Variants in NOC3L observed in about 807,000 individuals in gnomAD.
The protein encoded by NOC3L is NOC3 like DNA replication regulator.
Under a neutral mutation model 102.5 loss-of-function variants are expected in NOC3L, and 85 were observed. That is an observed-to-expected ratio of 0.83 (90% CI 0.70 to 0.99). NOC3L has a LOEUF of 0.99. Ranked by LOEUF, NOC3L falls within the 50% of genes least tolerant of loss-of-function variation. NOC3L has a pLI of 0.00. For missense variants in NOC3L, 878 were observed against 914.9 expected, an observed-to-expected ratio of 0.96 and a Z score of 0.52; for synonymous variants, 303 against 309.4, an observed-to-expected ratio of 0.98 and a Z score of 0.22.
chr10:94,317,860 C>A, the NOC3L span, among the ~76,000 whole-genome samples: 1 of 152,160 alleles, frequency 6.6e-6, no homozygotes, highest in Non-Finnish European at 1.5e-5. Flanking sequence ...GTCTATTCAA[C>A]AATTTGATTA....
intron 6 of NOC3L, 127 bp downstream of exon 6, chr10:94,354,836 C>G: frequency 3.4e-6 from 3 of 881,824 alleles, no homozygotes; most frequent in Non-Finnish European, 5.2e-6. Flanking sequence ...CTTACTCTAA[C>G]CCAGCTACTA....
intron 17 of NOC3L, among the ~76,000 whole-genome samples, chr10:94,339,137 A>C (rs1010750958): frequency 2.6e-5 from 4 of 152,240 alleles, no homozygotes; most frequent in Non-Finnish European, 5.9e-5. Flanking sequence ...GACTGCCTAC[A>C]TTTGAATATC....
At chr10:94,346,171 A>T (rs974912952) in intron 11 of NOC3L, among the ~76,000 whole-genome samples, 1 of 152,208 alleles carries the variant, frequency 6.6e-6, no homozygotes, top group Non-Finnish European at 1.5e-5. Flanking sequence ...TTGATCTAAA[A>T]AGCCAAAGGA....
chr10:94,327,957 C>G, the NOC3L span: 1 of 532,198 alleles, frequency 1.9e-6, no homozygotes, highest in Middle Eastern at 3.2e-4. Flanking sequence ...CCTCTGTATA[C>G]AACATTACAG....
chr10:94,317,696 A>G, the NOC3L span, among the ~76,000 whole-genome samples: 12 of 152,212 alleles, frequency 7.9e-5, no homozygotes, highest in Admixed American at 2.6e-4. Flanking sequence ...GTTGACTCCA[A>G]ACTGATTGGC....
chr10:94,361,173 A>G (rs2134016315), intron 2 of NOC3L, among the ~76,000 whole-genome samples: 1 of 152,372 alleles, frequency 6.6e-6, no homozygotes, highest in East Asian at 1.9e-4. Context: ...TGAGTACTTA[A>G]TAATTTTTAG....
chr10:94,335,258 C>T (rs12243492), intron 19 of NOC3L, among the ~76,000 whole-genome samples: 5,126 of 152,234 alleles, frequency 0.034, 293 homozygotes, highest in African/African-American at 0.11. Context: ...CAATTAGGCT[C>T]ACATCCCAAT....
chr10:94,362,089 G>T, intron 1 of NOC3L: 2 of 599,026 alleles, frequency 3.3e-6, no homozygotes, highest in Non-Finnish European at 6.0e-6. Context: ...CAATTCAAAG[G>T]GTTCTACGAT....
At chr10:94,343,840 G>T (rs2054313438) in intron 13 of NOC3L, among the ~76,000 whole-genome samples, 1 of 151,894 alleles carries the variant, frequency 6.6e-6, no homozygotes, top group African/African-American at 2.4e-5. Flanking sequence ...TTTTAATGTG[G>T]CTAATAGAAA....
In NOC3L at chr10:94,334,616, A is replaced by G; in HGVS notation, c.2274+18T>C. The G allele has an allele frequency of 6.3e-7, 1 of 1,583,402 alleles. No homozygotes were observed. ...GGTTTCTATTTCTTCCTTTAAAAAAATGAAAAATATCCCATACCTTTATTT... is the reference window on the plus strand; with the variant it reads ...GGTTTCTATTTCTTCCTTTAAAAAAGTGAAAAATATCCCATACCTTTATTT... On this transcript the variant is annotated intron_variant, in intron 20 of 20. Coordinates refer to ENST00000371361, the MANE Select transcript of NOC3L (RefSeq NM_022451.11).
At position 94,339,879 on chromosome 10, in the gene NOC3L, C is replaced by T; in HGVS notation, c.1822G>A (p.Asp608Asn). 1 of 1,614,218 alleles carries T rather than the reference C, an allele frequency of 6.2e-7. No homozygotes were observed. ...TTTCTGCGCTTAGTTAGCATGACAT[C>T]AAGGCACTGGAGTACAATCTCAACA... ...EGVEIVLQCL[D>N]VMLTKRRKQV... The change falls in exon 17 of 21, where the codon GAT becomes AAT. Residue 608 changes from aspartate to asparagine, a missense_variant. Physicochemically the swap from Asp to Asn is conservative, Grantham distance 23. Coordinates refer to ENST00000371361, the MANE Select transcript of NOC3L (RefSeq NM_022451.11).
chr10:94,347,975 C>A (rs2054365254), intron 10 of NOC3L, among the ~76,000 whole-genome samples: 1 of 151,586 alleles, frequency 6.6e-6, no homozygotes, highest in South Asian at 2.1e-4. Context: ...ATAGTCATGT[C>A]TTTTATCAAT....
Position 94,339,937 on chromosome 10 carries a change from A to G in NOC3L, c.1781-17T>C, listed in dbSNP as rs762559075. 1.2e-6 allele frequency: 2 copies of G among 1,605,388 alleles called. No individual in the cohort carries two copies. The highest frequency in any genetic ancestry group is 3.4e-5 in the Admixed American group (2 of 59,302). The stretch of plus-strand genomic sequence containing the variant: ...TGGTAGCACCTAAAACAGCAGACAT[A>G]TTCTTCAGAGCTGTTCTCATTACTT... On this transcript the variant is annotated splice_polypyrimidine_tract_variant and intron_variant, in intron 16 of 20. Coordinates refer to ENST00000371361, the MANE Select transcript of NOC3L (RefSeq NM_022451.11).
At chr10:94,348,165 T>A (rs951581918) in intron 10 of NOC3L, among the ~76,000 whole-genome samples, 8 of 149,626 alleles carry the variant, frequency 5.3e-5, no homozygotes, top group African/African-American at 1.7e-4. Flanking sequence ...ATAAAATATA[T>A]ATTCATTACA....
chr10:94,342,696 G>A (rs1230512054), intron 13 of NOC3L, among the ~76,000 whole-genome samples: 3 of 150,838 alleles, frequency 2.0e-5, no homozygotes, highest in Non-Finnish European at 4.4e-5. Context: ...TATGTGATAA[G>A]GGAGAGGTAC....
At chr10:94,344,084 A>G (rs1476724170) in intron 13 of NOC3L, among the ~76,000 whole-genome samples, 3 of 152,210 alleles carry the variant, frequency 2.0e-5, no homozygotes, top group South Asian at 2.1e-4. Context: ...TAGACTTAAG[A>G]GTCATCTGCA....
chr10:94,346,108 A>C (rs995040699), intron 11 of NOC3L, among the ~76,000 whole-genome samples: 16 of 152,336 alleles, frequency 1.1e-4, no homozygotes, highest in African/African-American at 3.4e-4. Context: ...TGCCAACTTC[A>C]CGTGAATGCA....
At chr10:94,315,993 C>G in the NOC3L span, among the ~76,000 whole-genome samples, 2 of 152,042 alleles carry the variant, frequency 1.3e-5, no homozygotes, top group Non-Finnish European at 2.9e-5. Flanking sequence ...CTGTCTGGTT[C>G]CAGGGCTTTG....
chr10:94,354,728 A>G (rs111369499), intron 6 of NOC3L, among the ~76,000 whole-genome samples: 59 of 152,242 alleles, frequency 3.9e-4, no homozygotes, highest in Non-Finnish European at 6.6e-4. Flanking sequence ...ATATATGAAG[A>G]TGAGGAGAAT....
Sources: allele counts gnomAD v4.1 joint callset (sites outside exome capture counted in the v4.1 genomes callset), GRCh38; gene constraint gnomAD v4.1.1; transcripts MANE v1.5; gene names NCBI Gene and HGNC (gene_info 2026-07-23, HGNC 2026-07-21).